Variants in CCDC171 observed in about 807,000 individuals in gnomAD.
The protein encoded by CCDC171 is coiled-coil domain-containing protein 171.
A neutral mutation model predicts 168.2 loss-of-function variants in CCDC171; 177 were observed. The ratio of observed to expected loss-of-function variants is 1.05; its 90% CI spans 0.93 to 1.19. The LOEUF is 1.19. Ranked by LOEUF, CCDC171 falls within the 50% of genes most tolerant of loss-of-function variation. The probability of loss-of-function intolerance (pLI) is 0.00; values close to 1 mark genes in which losing one functional copy is unlikely to be tolerated. For synonymous variants in CCDC171, 687 were observed against 540.8 expected (o/e 1.27, Z -3.75); for missense variants, 1,991 against 1,539.0 (o/e 1.29, Z -4.91).
Position 16,054,363 on chromosome 9 carries a change from C to T in CCDC171, n.90-6283C>T, listed in dbSNP as rs16934004. 6.2e-3 allele frequency among the ~76,000 whole-genome samples: 941 copies of T among 152,242 alleles called. 14 individuals carry two copies. Among genetic ancestry groups the T allele is most frequent in the Admixed American group, 0.041 (632 of 15,292 alleles). The stretch of plus-strand genomic sequence containing the variant: ...AGTCCAGAGATGGCACAAAGGCTTC[C>T]GCAGCTGCATGGAGTAGTCAGTGGG... On this transcript the variant is annotated intron_variant and non_coding_transcript_variant, in intron 1 of 1. Transcript: ENST00000478913.
At chr9:15,605,693 A>G (rs199920480) in intron 6 of CCDC171, among the ~76,000 whole-genome samples, 9,997 of 151,644 alleles carry the variant, frequency 0.066, 449 homozygotes, top group Middle Eastern at 0.099. Flanking sequence ...TCAAAAAAAA[A>G]AAAAGAAAAA....
intron 7 of CCDC171, among the ~76,000 whole-genome samples, chr9:15,639,146 A>ATTG (rs1715751792): frequency 6.6e-6 from 1 of 152,024 alleles, no homozygotes; most frequent in African/African-American, 2.4e-5. Context: ...ACCTTTCATA[A>ATTG]TTGTTGATAA....
chr9:15,602,412 C>G (rs1029249483), intron 6 of CCDC171, among the ~76,000 whole-genome samples: 6 of 149,652 alleles, frequency 4.0e-5, no homozygotes, highest in African/African-American at 1.2e-4. Context: ...AGTGAAACCC[C>G]ATCTTTAATA....
intron 24 of CCDC171, among the ~76,000 whole-genome samples, chr9:15,899,843 A>G (rs1821390500): frequency 6.6e-6 from 1 of 151,968 alleles, no homozygotes; most frequent in Non-Finnish European, 1.5e-5. Context: ...AATAATTTTT[A>G]ATGAATAGTT....
chr9:15,808,268 T>G (rs1417098764), intron 21 of CCDC171, among the ~76,000 whole-genome samples: 1 of 152,180 alleles, frequency 6.6e-6, no homozygotes, highest in Non-Finnish European at 1.5e-5. Context: ...GAATGCTAGA[T>G]AGAAATACAA....
chr9:15,875,463 C>A (rs901786174), intron 24 of CCDC171: 1 of 151,462 alleles, frequency 6.6e-6, no homozygotes, highest in Non-Finnish European at 1.5e-5. Flanking sequence ...TGCCCAAAAC[C>A]TTCATTAAAA....
chr9:16,029,996 G>C (rs1833340444), intron 6 of CCDC171, among the ~76,000 whole-genome samples: 1 of 152,230 alleles, frequency 6.6e-6, no homozygotes, highest in African/African-American at 2.4e-5. Context: ...GTAAGGGGCT[G>C]TTCCTCATTG....
the CCDC171 span, among the ~76,000 whole-genome samples, chr9:16,107,081 G>A: frequency 2.6e-5 from 4 of 152,190 alleles, no homozygotes; most frequent in African/African-American, 9.6e-5. Context: ...GTATACCAGT[G>A]TTTCTCAACC....
intron 3 of CCDC171, among the ~76,000 whole-genome samples, chr9:15,994,817 T>C (rs981427077): frequency 5.3e-5 from 8 of 152,212 alleles, no homozygotes; most frequent in African/African-American, 1.9e-4. Context: ...AACTGGAGCC[T>C]CATTATCTAT....
intron 21 of CCDC171, among the ~76,000 whole-genome samples, chr9:15,810,763 C>A (rs953791804): frequency 6.6e-6 from 1 of 152,246 alleles, no homozygotes; most frequent in South Asian, 2.1e-4. Flanking sequence ...GCGCGCAGCC[C>A]TGGTTCCCGC....
chr9:16,001,991 C>T (rs559361061), intron 3 of CCDC171, among the ~76,000 whole-genome samples: 1 of 151,734 alleles, frequency 6.6e-6, no homozygotes, highest in South Asian at 2.1e-4. Context: ...CAGGAGCCAC[C>T]ATTGCCCATC....
chr9:15,678,713 T>C, intron 9 of CCDC171, 45 bp from the exon 10 acceptor site: 1 of 1,519,270 alleles, frequency 6.6e-7, no homozygotes, highest in South Asian at 1.3e-5. Flanking sequence ...TATCAGTTGA[T>C]GTAAGCATGT....
At chr9:15,565,275 A>C (rs557665763) in intron 2 of CCDC171, among the ~76,000 whole-genome samples, 71 of 152,148 alleles carry the variant, frequency 4.7e-4, no homozygotes, top group African/African-American at 1.7e-3. Flanking sequence ...TGTATTTACA[A>C]ATTAGAATAT....
At chr9:15,901,693 G>T (rs184952734) in intron 24 of CCDC171, among the ~76,000 whole-genome samples, 13 of 152,210 alleles carry the variant, frequency 8.5e-5, no homozygotes, top group Admixed American at 8.5e-4. Flanking sequence ...TGGCACTGAT[G>T]TCTTCACTTG....
At chr9:16,105,972 C>A in the CCDC171 span, among the ~76,000 whole-genome samples, 1 of 152,214 alleles carries the variant, frequency 6.6e-6, no homozygotes, top group Non-Finnish European at 1.5e-5. Context: ...TTTGCATTAA[C>A]GACCTGCTTT....
intron 21 of CCDC171, among the ~76,000 whole-genome samples, chr9:15,786,969 C>T (rs539329739): frequency 2.6e-5 from 4 of 152,240 alleles, no homozygotes; most frequent in African/African-American, 9.6e-5. Context: ...TTTTTGGACT[C>T]AGACCACTTG....
chr9:15,780,563 AT>A (rs748928744), intron 20 of CCDC171, among the ~76,000 whole-genome samples: 14 of 152,162 alleles, frequency 9.2e-5, no homozygotes, highest in Non-Finnish European at 1.9e-4. Context: ...AGTTAAAATC[AT>A]TTTAATCTTA....
chr9:15,644,521 G>A (rs902180406), intron 7 of CCDC171, among the ~76,000 whole-genome samples: 36 of 152,184 alleles, frequency 2.4e-4, no homozygotes, highest in African/African-American at 8.4e-4. Flanking sequence ...GATGGCACCT[G>A]GAAAATCGGG....
chr9:15,964,885 C>T (rs746677305), intron 25 of CCDC171, among the ~76,000 whole-genome samples: 37 of 152,236 alleles, frequency 2.4e-4, no homozygotes, highest in Middle Eastern at 6.8e-3. Flanking sequence ...CTCAGCCTCC[C>T]GGGTAGCTGG....
Sources: gnomAD v4.1 joint callset for allele counts (sites outside exome capture counted in the v4.1 genomes callset) on GRCh38, gnomAD v4.1.1 for gene constraint, MANE v1.5 for transcripts, NCBI Gene and HGNC (gene_info 2026-07-23, HGNC 2026-07-21) for gene names.